COL23A1: variants seen among roughly 807,000 people sequenced by gnomAD.
COL23A1 encodes collagen type XXIII alpha 1 chain, also known as collagen alpha-1(XXIII) chain.
In COL23A1, 97 loss-of-function variants were observed where a neutral mutation model predicts 99.3. That is an observed-to-expected ratio of 0.98 (90% CI 0.83 to 1.16). The LOEUF (loss-of-function observed/expected upper bound fraction) is 1.16. Among genes scored for constraint, COL23A1 ranks in the 50% most tolerant of loss-of-function variants. The pLI, the probability that COL23A1 is intolerant of heterozygous loss-of-function variation, is 0.00. For missense variants in COL23A1, 762 were observed against 757.4 expected, an observed-to-expected ratio of 1.01 and a Z score of -0.07; for synonymous variants, 320 against 308.2, an observed-to-expected ratio of 1.04 and a Z score of -0.40.
chr5:178,583,878 G>A (rs1490035089), intron 1 of COL23A1, among the ~76,000 whole-genome samples: 1 of 152,114 alleles, frequency 6.6e-6, no homozygotes, highest in Non-Finnish European at 1.5e-5. Context: ...ATTTTTATTT[G>A]TTGTTGAAAC....
At chr5:178,341,236 C>G (rs1383148120) in intron 2 of COL23A1, among the ~76,000 whole-genome samples, 1 of 152,226 alleles carries the variant, frequency 6.6e-6, no homozygotes, top group Non-Finnish European at 1.5e-5. Flanking sequence ...GCAATTCTCC[C>G]GCCTCAGCTT....
intron 5 of COL23A1, among the ~76,000 whole-genome samples, chr5:178,287,609 G>T (rs539441181): frequency 1.3e-5 from 2 of 152,132 alleles, no homozygotes; most frequent in Non-Finnish European, 2.9e-5. Flanking sequence ...GATCTGTCCC[G>T]AATCAGCCAG....
chr5:178,341,739 C>T (rs1332580329), intron 2 of COL23A1, among the ~76,000 whole-genome samples: 1 of 152,104 alleles, frequency 6.6e-6, no homozygotes, highest in Non-Finnish European at 1.5e-5. Context: ...ACTCACCTCT[C>T]TCCCTCATCC....
chr5:178,272,750 A>C (rs1756363083), intron 5 of COL23A1, among the ~76,000 whole-genome samples: 1 of 146,326 alleles, frequency 6.8e-6, no homozygotes, highest in Non-Finnish European at 1.5e-5. Flanking sequence ...TTGTCCCCCT[A>C]CCCCCCGACC....
chr5:178,352,912 AAAG>A (rs1164195531), intron 2 of COL23A1, among the ~76,000 whole-genome samples: 1 of 152,226 alleles, frequency 6.6e-6, no homozygotes, highest in Non-Finnish European at 1.5e-5. Flanking sequence ...CCACTTGAGA[AAAG>A]AAGAGTTGGC....
At chr5:178,547,773 A>C (rs1017329994) in intron 2 of COL23A1, among the ~76,000 whole-genome samples, 1 of 4,946 alleles carries the variant, frequency 2.0e-4, no homozygotes, top group Non-Finnish European at 3.3e-4. Context: ...CCACATACCC[A>C]CCCCCCACAC....
intron 2 of COL23A1, among the ~76,000 whole-genome samples, chr5:178,540,339 C>A (rs1761219275): frequency 6.6e-6 from 1 of 152,142 alleles, no homozygotes; most frequent in Non-Finnish European, 1.5e-5. Flanking sequence ...CATGAAAAGT[C>A]ATCACCAACA....
intron 2 of COL23A1, among the ~76,000 whole-genome samples, chr5:178,543,090 T>C (rs1429761323): frequency 6.6e-6 from 1 of 151,598 alleles, no homozygotes; most frequent in African/African-American, 2.4e-5. Context: ...GTGAGATCCT[T>C]TTGAGAGCAT....
In COL23A1 at chr5:178,421,936, G is replaced by C. The variant is rs375941476; in HGVS notation, c.362-115017C>G. Among the ~76,000 whole-genome samples the C allele has an allele frequency of 3.9e-5, 6 of 152,010 alleles. 1 individual carries two copies. The South Asian group carries it at 1.2e-3, about 31-fold the overall frequency. ...GGTGCTTGTGAGGTGAAGAACGCCG[G>C]GGGGTGGAGTGAATATGGGCGGGGC... On this transcript the variant is annotated intron_variant, in intron 2 of 28. Transcript: ENST00000390654.
At chr5:178,336,837 A>G (rs1349986171) in intron 2 of COL23A1, among the ~76,000 whole-genome samples, 2 of 152,276 alleles carry the variant, frequency 1.3e-5, no homozygotes, top group Admixed American at 1.3e-4. Flanking sequence ...ACAAAAATTA[A>G]AAGGAGGGAA....
At chr5:178,377,314 G>C (rs1020780254) in intron 2 of COL23A1, among the ~76,000 whole-genome samples, 8 of 152,234 alleles carry the variant, frequency 5.3e-5, no homozygotes, top group African/African-American at 1.9e-4. Flanking sequence ...TGCAAAGGCA[G>C]TGTGTTCCTC....
At chr5:178,414,410 T>A (rs972033777) in intron 2 of COL23A1, among the ~76,000 whole-genome samples, 23 of 148,742 alleles carry the variant, frequency 1.5e-4, no homozygotes, top group South Asian at 1.5e-3. Flanking sequence ...ATCCTTTTTT[T>A]AAAAAAAAAA....
intron 2 of COL23A1, among the ~76,000 whole-genome samples, chr5:178,474,610 C>T (rs1389234622): frequency 6.6e-6 from 1 of 152,184 alleles, no homozygotes. Context: ...ACATGGCATA[C>T]AGAGGACTTA....
At position 178,360,325 on chromosome 5, in the gene COL23A1, T is replaced by TA. The variant is rs1338945820; in HGVS notation, c.362-53407dup. 2.4e-4 allele frequency among the ~76,000 whole-genome samples: 37 copies of TA among 152,174 alleles called. 1 individual carries two copies. Among genetic ancestry groups the TA allele is most frequent in the Admixed American group, 2.4e-3 (37 of 15,282 alleles). On this transcript the variant is annotated intron_variant, in intron 2 of 28. Coordinates refer to ENST00000390654, the MANE Select transcript of COL23A1 (RefSeq NM_173465.4). Reference sequence around the variant, plus strand: ...CTGCGAAGCTTTTTTTCAAGGAAAGTACGTTTCTTTATTAGATTGCAAAAT... The same window carrying TA: ...CTGCGAAGCTTTTTTTCAAGGAAAGTAACGTTTCTTTATTAGATTGCAAAAT...
chr5:178,385,166 C>T (rs1387405673), intron 2 of COL23A1, among the ~76,000 whole-genome samples: 1 of 152,158 alleles, frequency 6.6e-6, no homozygotes, highest in African/African-American at 2.4e-5. Flanking sequence ...GCTCTCACTC[C>T]TCAGGAACTG....
chr5:178,334,571 C>T lies in COL23A1; in HGVS notation c.362-27652G>A, dbSNP rs896713481. Among the ~76,000 whole-genome samples the T allele has an allele frequency of 3.3e-5, 5 of 152,314 alleles. 1 individual carries two copies. Among genetic ancestry groups the T allele is most frequent in the African/African-American group, 1.2e-4 (5 of 41,562 alleles). Reference sequence around the variant, plus strand: ...TGAGGGCTTCCCGCTGGGAGTGTTACCTAGCGGCACCCATGGTTTGATTTC... The same window carrying T: ...TGAGGGCTTCCCGCTGGGAGTGTTATCTAGCGGCACCCATGGTTTGATTTC... On this transcript the variant is annotated intron_variant, in intron 2 of 28. Coordinates refer to ENST00000390654, the MANE Select transcript of COL23A1 (RefSeq NM_173465.4).
chr5:178,420,969 G>A (rs1277030328), intron 2 of COL23A1, among the ~76,000 whole-genome samples: 5 of 151,958 alleles, frequency 3.3e-5, no homozygotes, highest in Non-Finnish European at 7.4e-5. Flanking sequence ...TGGCGTGGGG[G>A]GGTCACAGGA....
At chr5:178,330,288 C>T (rs1305306589) in intron 2 of COL23A1, among the ~76,000 whole-genome samples, 4 of 152,250 alleles carry the variant, frequency 2.6e-5, no homozygotes, top group African/African-American at 4.8e-5. Flanking sequence ...GCTCAGTCCT[C>T]ACAGCAACCC....
At chr5:178,585,987 A>G (rs1176364088) in intron 1 of COL23A1, among the ~76,000 whole-genome samples, 1 of 152,022 alleles carries the variant, frequency 6.6e-6, no homozygotes, top group Non-Finnish European at 1.5e-5. Flanking sequence ...TAAAGAGACA[A>G]CCTCTCAAGA....
Sources: allele counts gnomAD v4.1 joint callset (sites outside exome capture counted in the v4.1 genomes callset), GRCh38; gene constraint gnomAD v4.1.1; transcripts MANE v1.5; gene names NCBI Gene and HGNC (gene_info 2026-07-23, HGNC 2026-07-21).